The following HYDIN variants were observed in gnomAD, a reference collection of about 807,000 sequenced individuals.
The protein encoded by HYDIN is HYDIN axonemal central pair apparatus protein.
A neutral mutation model predicts 403.9 loss-of-function variants in HYDIN; 132 were observed. That is an observed-to-expected ratio of 0.33 (90% confidence interval 0.28 to 0.38). The LOEUF (loss-of-function observed/expected upper bound fraction) is 0.38, where lower values mean the gene tolerates loss of function less well. Among genes scored for constraint, HYDIN ranks in the 10% least tolerant of loss-of-function variants. The pLI is 1.00. For synonymous variants in HYDIN, 1,202 were observed against 1,891.7 expected (o/e 0.64, Z 9.46); for missense variants, 2,827 against 5,009.5 (o/e 0.56, Z 13.15).
chr16:70,942,738 C>T (rs2077721943), intron 42 of HYDIN, among the ~76,000 whole-genome samples: 1 of 152,072 alleles, frequency 6.6e-6, no homozygotes, highest in African/African-American at 2.4e-5. Flanking sequence ...GTGGCCACAT[C>T]ATTCCTTCTC....
At chr16:71,028,037 T>C (rs2080774522) in intron 19 of HYDIN, among the ~76,000 whole-genome samples, 162 bp from the exon 20 acceptor site, 3 of 141,160 alleles carry the variant, frequency 2.1e-5, no homozygotes, top group Admixed American at 1.5e-4. Context: ...ACGATGCCAC[T>C]AGGAACTAAC....
At chr16:71,046,800 A>T (rs1278325004) in intron 18 of HYDIN, among the ~76,000 whole-genome samples, 2 of 152,224 alleles carry the variant, frequency 1.3e-5, no homozygotes, top group Non-Finnish European at 2.9e-5. Flanking sequence ...ACATAAAAAC[A>T]TTTATTTGAT....
At chr16:71,116,509 T>C (rs1012431144) in intron 9 of HYDIN, among the ~76,000 whole-genome samples, 4 of 152,094 alleles carry the variant, frequency 2.6e-5, no homozygotes, top group African/African-American at 9.7e-5. Context: ...AGAGCTCTCT[T>C]CGAGATCCTG....
intron 1 of HYDIN, among the ~76,000 whole-genome samples, chr16:71,221,940 T>C (rs1195618833): frequency 6.6e-6 from 1 of 152,200 alleles, no homozygotes; most frequent in African/African-American, 2.4e-5. Flanking sequence ...GGTGGCCAAC[T>C]TTTCAAACCG....
intron 43 of HYDIN, 143 bp downstream of exon 43, chr16:70,941,493 C>G: frequency 3.8e-6 from 2 of 530,538 alleles, no homozygotes; most frequent in East Asian, 3.4e-5. Context: ...TAGAACTTCC[C>G]AGCCGGCCAC....
intron 18 of HYDIN, among the ~76,000 whole-genome samples, chr16:71,033,345 T>C (rs2080979962): frequency 6.6e-6 from 1 of 152,276 alleles, no homozygotes; most frequent in African/African-American, 2.4e-5. Context: ...ATGTGATTCC[T>C]AATTATATTG....
intron 41 of HYDIN, among the ~76,000 whole-genome samples, chr16:70,945,910 C>T (rs115383066): frequency 0.025 from 3,782 of 151,312 alleles, no homozygotes; most frequent in African/African-American, 0.084. Flanking sequence ...GGTGTGAGGA[C>T]GAGGAGGCAG....
At chr16:70,916,836 TTCTC>T (rs762079658) in intron 47 of HYDIN, among the ~76,000 whole-genome samples, 47 of 152,188 alleles carry the variant, frequency 3.1e-4, no homozygotes, top group African/African-American at 6.7e-4. Flanking sequence ...CTTTTTCTCT[TTCTC>T]TCTTTTTCCT....
At chr16:70,908,924 G>A in intron 47 of HYDIN, 63 bp from the exon 48 acceptor site, 3 of 1,590,960 alleles carry the variant, frequency 1.9e-6, no homozygotes, top group Non-Finnish European at 2.6e-6. Flanking sequence ...ACAGAAGACA[G>A]AGATGGCCAC....
chr16:71,211,589 C>T (rs961220188), intron 1 of HYDIN, among the ~76,000 whole-genome samples: 1 of 147,776 alleles, frequency 6.8e-6, no homozygotes, highest in East Asian at 2.0e-4. Context: ...TTGCAGTGAG[C>T]CAAGATTGCG....
At chr16:70,926,918 G>A (rs533420168) in intron 45 of HYDIN, among the ~76,000 whole-genome samples, 8 of 152,330 alleles carry the variant, frequency 5.3e-5, no homozygotes, top group African/African-American at 1.4e-4. Flanking sequence ...TAGACCATAT[G>A]TCAGAAGAAA....
At chr16:71,229,173 G>T (rs1385969646) in intron 1 of HYDIN, among the ~76,000 whole-genome samples, 1 of 122,040 alleles carries the variant, frequency 8.2e-6, no homozygotes, top group African/African-American at 3.1e-5. Context: ...GGGGGAGGGG[G>T]GAGGGATAGC....
At chr16:71,093,766 C>A in intron 11 of HYDIN, 51 bp downstream of exon 11, 2 of 1,580,484 alleles carry the variant, frequency 1.3e-6, no homozygotes, top group Non-Finnish European at 1.7e-6. Flanking sequence ...TAAAACAAAC[C>A]CCAAAAGCCA....
intron 29 of HYDIN, 141 bp downstream of exon 29, chr16:70,981,250 T>C (rs990022560): frequency 1.6e-5 from 21 of 1,316,680 alleles, no homozygotes; most frequent in Non-Finnish European, 2.1e-5. Context: ...GGTCACCAAT[T>C]TGGCAATTGC....
rs146486946 is a variant in HYDIN at position 70,805,032 on chromosome 16, T to A, written c.*2548A>T. Reference sequence around the variant, plus strand: ...ATCACTTGGTGTACCACATTGACCATTATTGAAAAAGTACACCCTTTTGAA... The same window carrying A: ...ATCACTTGGTGTACCACATTGACCAATATTGAAAAAGTACACCCTTTTGAA... On this transcript the variant is annotated 3_prime_UTR_variant, in exon 86 of 86. Coordinates refer to ENST00000393567, the MANE Select transcript of HYDIN (RefSeq NM_001270974.2). 3.5e-4 allele frequency among the ~76,000 whole-genome samples: 54 copies of A among 152,338 alleles called. No homozygotes were observed. The highest frequency in any genetic ancestry group is 1.3e-3 in the African/African-American group (54 of 41,574).
chr16:71,025,048 TC>T (rs2080643666), intron 21 of HYDIN, among the ~76,000 whole-genome samples: 1 of 152,196 alleles, frequency 6.6e-6, no homozygotes, highest in African/African-American at 2.4e-5. Flanking sequence ...TATCAATAAT[TC>T]TACTCCAATC....
rs78963719 is a variant in HYDIN, at chr16:70,957,389, C to T, written c.6143-1841G>A. On this transcript the variant is annotated intron_variant, in intron 39 of 85. Transcript: ENST00000393567. ...TAGCCCAGGCTGGAGTGCAATGGCA[C>T]GATCTTGGCTCACTGCAACCTCTGC... is the stretch of plus-strand genomic sequence containing the variant. 3.2e-3 allele frequency among the ~76,000 whole-genome samples: 476 copies of T among 150,086 alleles called. 2 individuals are homozygous for T. The highest frequency in any genetic ancestry group is 4.2e-3 in the Non-Finnish European group (288 of 67,854).
At chr16:70,950,059 T>A (rs1359402862) in intron 41 of HYDIN, among the ~76,000 whole-genome samples, 1 of 144,092 alleles carries the variant, frequency 6.9e-6, no homozygotes, top group Admixed American at 6.9e-5. Flanking sequence ...TGGTTTCTGT[T>A]TTCACGGTGT....
intron 1 of HYDIN, among the ~76,000 whole-genome samples, chr16:71,226,217 T>C (rs2041025710): frequency 6.6e-6 from 1 of 152,202 alleles, no homozygotes; most frequent in Admixed American, 6.5e-5. Flanking sequence ...GGTAGTTCAT[T>C]TGAGAAACAA....
Sources: gnomAD v4.1 joint callset for allele counts (sites outside exome capture counted in the v4.1 genomes callset) on GRCh38, gnomAD v4.1.1 for gene constraint, MANE v1.5 for transcripts, NCBI Gene and HGNC (gene_info 2026-07-23, HGNC 2026-07-21) for gene names.